The following RXRA variants were observed in gnomAD, a reference collection of about 807,000 sequenced individuals.
RXRA encodes the protein retinoic acid receptor RXR-alpha.
A neutral mutation model predicts 44.5 loss-of-function variants in RXRA; 5 were observed. The ratio of observed to expected loss-of-function variants is 0.11; its 90% CI spans 0.06 to 0.24. The LOEUF (loss-of-function observed/expected upper bound fraction) is 0.24, where lower values mean the gene tolerates loss of function less well. Ranked by LOEUF, RXRA falls within the 10% of genes least tolerant of loss-of-function variation. The pLI, the probability that RXRA is intolerant of heterozygous loss-of-function variation, is 1.00. For synonymous variants in RXRA, 291 were observed against 271.4 expected (o/e 1.07, Z -0.71); for missense variants, 412 against 646.5 (o/e 0.64, Z 3.93).
At chr9:134,431,496 A>T (rs914042571) in intron 7 of RXRA, among the ~76,000 whole-genome samples, 27 of 152,208 alleles carry the variant, frequency 1.8e-4, no homozygotes, top group African/African-American at 6.5e-4. Flanking sequence ...GCTTTGCCTC[A>T]GGTGGTGCTG....
chr9:134,328,827 G>A (rs1834956193), intron 1 of RXRA, among the ~76,000 whole-genome samples: 2 of 152,144 alleles, frequency 1.3e-5, no homozygotes, highest in African/African-American at 4.8e-5. Flanking sequence ...GGTAGAGAGG[G>A]CTTCCTCCTC....
intron 1 of RXRA, among the ~76,000 whole-genome samples, chr9:134,344,498 C>G (rs782168262): frequency 5.3e-5 from 8 of 152,190 alleles, no homozygotes; most frequent in Non-Finnish European, 1.0e-4. Context: ...GGCTTAGATT[C>G]CTCTTAAAAA....
At chr9:134,415,500 A>G (rs1232067862) in intron 4 of RXRA, among the ~76,000 whole-genome samples, 2 of 151,950 alleles carry the variant, frequency 1.3e-5, no homozygotes, top group Non-Finnish European at 2.9e-5. Flanking sequence ...TGGTCAGTCC[A>G]TGGGTGGCTG....
intron 1 of RXRA, among the ~76,000 whole-genome samples, chr9:134,397,028 GC>G (rs1830890479): frequency 6.6e-6 from 1 of 152,166 alleles, no homozygotes. Context: ...TGCCTCCCCC[GC>G]CTGCCAGGCA....
intron 1 of RXRA, among the ~76,000 whole-genome samples, chr9:134,358,809 G>A (rs543851368): frequency 6.6e-6 from 1 of 152,342 alleles, no homozygotes; most frequent in East Asian, 1.9e-4. Context: ...GCAGGTCTGA[G>A]CCTGGCCTAT....
intron 6 of RXRA, chr9:134,424,798 G>T: frequency 1.0e-6 from 1 of 985,492 alleles, no homozygotes; most frequent in Non-Finnish European, 1.2e-6. Context: ...CCTCCAGGGG[G>T]CTCAGGTCAG....
rs577401006 is a variant in RXRA, at chr9:134,414,831, C to CG, written c.611-2322dup. Among the ~76,000 whole-genome samples, 977 of 152,298 alleles carry CG rather than the reference C, an allele frequency of 6.4e-3. 4 individuals carry two copies. The highest frequency in any genetic ancestry group is 7.9e-3 in the Non-Finnish European group (539 of 68,024). ...CTGCGTGTGCGGGGGCTTCCTGCCC[C>CG]GGGGGCTGCTCAGCGTGGGTGGGGT... On this transcript the variant is annotated intron_variant, in intron 4 of 9. Coordinates refer to ENST00000481739, the MANE Select transcript of RXRA (RefSeq NM_002957.6).
At chr9:134,372,294 G>A (rs1197916603) in intron 1 of RXRA, among the ~76,000 whole-genome samples, 4 of 152,124 alleles carry the variant, frequency 2.6e-5, no homozygotes, top group East Asian at 3.9e-4. Flanking sequence ...GAGGTGGAGG[G>A]CCGCAGCCAG....
intron 1 of RXRA, among the ~76,000 whole-genome samples, chr9:134,353,808 G>A (rs1187121694): frequency 6.6e-6 from 1 of 152,254 alleles, no homozygotes; most frequent in Non-Finnish European, 1.5e-5. Flanking sequence ...TGTTGGGTGT[G>A]TACCTGACTT....
chr9:134,369,153 T>A (rs572498313), intron 1 of RXRA, among the ~76,000 whole-genome samples: 35 of 67,468 alleles, frequency 5.2e-4, no homozygotes, highest in African/African-American at 2.1e-3. Context: ...TATGTGTGTG[T>A]GAGTGCGGGG....
rs556305304 is a variant in RXRA, at chr9:134,340,970, C to T, written c.28+14311C>T. Among the ~76,000 whole-genome samples, 15 of 152,332 alleles carry T rather than the reference C, an allele frequency of 9.8e-5. 1 individual carries two copies. In the East Asian group the frequency reaches 2.9e-3, roughly 29 times the overall value. ...ATTGTGTGGATGAGGAAATTGAGGT[C>T]TGAGAGCGGCATGGCTGGCAAGCGG... On this transcript the variant is annotated intron_variant, in intron 1 of 9. Transcript: ENST00000481739.
At chr9:134,363,510 G>C (rs940121108) in intron 1 of RXRA, among the ~76,000 whole-genome samples, 2 of 152,250 alleles carry the variant, frequency 1.3e-5, no homozygotes, top group African/African-American at 4.8e-5. Flanking sequence ...TCCTCTGCAG[G>C]GCAGTGTGTC....
chr9:134,359,634 C>G (rs534639266), intron 1 of RXRA, among the ~76,000 whole-genome samples: 12 of 152,318 alleles, frequency 7.9e-5, no homozygotes, highest in African/African-American at 2.9e-4. Context: ...GGATCAGCCA[C>G]CTGCATTGTT....
At chr9:134,339,444 TGA>T (rs1199238495) in intron 1 of RXRA, among the ~76,000 whole-genome samples, 1 of 151,394 alleles carries the variant, frequency 6.6e-6, no homozygotes, top group Non-Finnish European at 1.5e-5. Context: ...CATGCCTGTG[TGA>T]GTGTGTGCCT....
intron 2 of RXRA, chr9:134,402,299 C>T: frequency 1.1e-5 from 2 of 180,890 alleles, no homozygotes; most frequent in Non-Finnish European, 2.3e-5. Flanking sequence ...GGCCAAAGGG[C>T]CCCCAGGGAA....
chr9:134,421,833 G>C (rs1164754289), intron 6 of RXRA, 28 bp downstream of exon 6: 2 of 1,611,058 alleles, frequency 1.2e-6, no homozygotes, highest in South Asian at 2.2e-5. Context: ...GGTGGGGATG[G>C]GGATGCCATG....
At chr9:134,408,383 C>T (rs908489223) in intron 3 of RXRA, 84 bp downstream of exon 3, 2 of 1,421,446 alleles carry the variant, frequency 1.4e-6, no homozygotes, top group Non-Finnish European at 1.9e-6. Flanking sequence ...AAATCACCCT[C>T]CTGTGGGCCA....
At chr9:134,381,399 T>G (rs942124744) in intron 1 of RXRA, among the ~76,000 whole-genome samples, 2 of 152,054 alleles carry the variant, frequency 1.3e-5, no homozygotes, top group Non-Finnish European at 2.9e-5. Flanking sequence ...GGGCCGTCTC[T>G]CAGGGCTGGG....
chr9:134,327,320 A>C (rs1834932422), intron 1 of RXRA, among the ~76,000 whole-genome samples: 1 of 152,154 alleles, frequency 6.6e-6, no homozygotes, highest in Non-Finnish European at 1.5e-5. Flanking sequence ...ATTTGTGAGC[A>C]GGACAGCGCA....
Sources: gnomAD v4.1 joint callset for allele counts (sites outside exome capture counted in the v4.1 genomes callset) on GRCh38, gnomAD v4.1.1 for gene constraint, MANE v1.5 for transcripts, NCBI Gene and HGNC (gene_info 2026-07-23, HGNC 2026-07-21) for gene names.